The following ADHFE1 variants were observed in gnomAD, a reference collection of about 807,000 sequenced individuals.
ADHFE1 encodes alcohol dehydrogenase iron containing 1.
A neutral mutation model predicts 54.8 loss-of-function variants in ADHFE1; 37 were observed. The observed-to-expected ratio is 0.68, with a 90% CI of 0.52 to 0.89. The LOEUF is 0.89. Among genes scored for constraint, ADHFE1 ranks in the 40% least tolerant of loss-of-function variants. The pLI, the probability that ADHFE1 is intolerant of heterozygous loss-of-function variation, is 0.00. For synonymous variants in ADHFE1, 203 were observed against 229.3 expected (o/e 0.89, Z 1.04); for missense variants, 601 against 591.2 (o/e 1.02, Z -0.17).
intron 2 of ADHFE1, among the ~76,000 whole-genome samples, chr8:66,441,237 T>C (rs554435717): frequency 1.3e-5 from 2 of 152,340 alleles, no homozygotes; most frequent in Non-Finnish European, 2.9e-5. Context: ...AAATATTAGA[T>C]TTTTATATAC....
intron 10 of ADHFE1, among the ~76,000 whole-genome samples, chr8:66,456,080 A>G (rs1378973926): frequency 2.0e-5 from 3 of 152,180 alleles, no homozygotes; most frequent in Non-Finnish European, 4.4e-5. Flanking sequence ...TCGAGGCTGC[A>G]TTGAGCTATG....
intron 13 of ADHFE1, among the ~76,000 whole-genome samples, chr8:66,464,745 A>G (rs1032705669): frequency 1.3e-5 from 2 of 152,240 alleles, no homozygotes; most frequent in Non-Finnish European, 2.9e-5. Flanking sequence ...ACCATTTTTA[A>G]GTGTACAATG....
rs1227639239 is a variant in ADHFE1, at chr8:66,468,261, TG to T, written c.1321-7del. On this transcript the variant is annotated splice_region_variant and splice_polypyrimidine_tract_variant and intron_variant, in intron 13 of 13. Coordinates refer to ENST00000396623, the MANE Select transcript of ADHFE1 (RefSeq NM_144650.3). ...GCCCTGGGTAACTTCTTTCATTTAC[TG>T]TTTCAGGAAAGGGTCACCAAGCTTG... 6.2e-7 allele frequency: 1 copy of T among 1,607,656 alleles called. No homozygotes were observed. Among genetic ancestry groups the T allele is most frequent in the East Asian group, 2.2e-5 (1 of 44,770 alleles).
chr8:66,456,908 G>A lies in ADHFE1; in HGVS notation c.1065+13G>A. 1.3e-6 allele frequency: 2 copies of A among 1,490,908 alleles called. No individual in the cohort carries two copies. Among genetic ancestry groups the A allele is most frequent in the Non-Finnish European group, 1.8e-6 (2 of 1,117,134 alleles). 92.4% of individuals were successfully genotyped at this position (1,490,908 alleles called of 1,614,324 possible). On this transcript the variant is annotated intron_variant, in intron 11 of 13. Transcript: ENST00000396623. ...TCACCCACTGGTGGTAAAATCATAAGAATAAATTATTTAATTAAATATTAT... is the reference window on the plus strand; with the variant it reads ...TCACCCACTGGTGGTAAAATCATAAAAATAAATTATTTAATTAAATATTAT...
At chr8:66,467,156 G>A (rs996288263) in intron 13 of ADHFE1, among the ~76,000 whole-genome samples, 17 of 152,146 alleles carry the variant, frequency 1.1e-4, no homozygotes, top group African/African-American at 2.9e-4. Flanking sequence ...CCTGGATTCC[G>A]GTTGTGGTAC....
At chr8:66,443,130 C>T (rs1048381653) in intron 3 of ADHFE1, among the ~76,000 whole-genome samples, 1 of 152,014 alleles carries the variant, frequency 6.6e-6, no homozygotes, top group Non-Finnish European at 1.5e-5. Context: ...TGTGTTAAAT[C>T]TTTAGTTTTT....
At chr8:66,454,611 T>C (rs1028066431) in intron 10 of ADHFE1, among the ~76,000 whole-genome samples, 12 of 152,062 alleles carry the variant, frequency 7.9e-5, no homozygotes, top group African/African-American at 2.9e-4. Flanking sequence ...TTTTAGAACA[T>C]CTTATCACCC....
intron 2 of ADHFE1, among the ~76,000 whole-genome samples, chr8:66,441,762 C>T (rs78464979): frequency 5.5e-4 from 83 of 152,006 alleles, no homozygotes; most frequent in African/African-American, 1.9e-3. Flanking sequence ...TTTCGGAGGC[C>T]GGGGTGGGTG....
In ADHFE1 at chr8:66,452,073, C is replaced by T. The variant is rs1388987830; in HGVS notation, c.855C>T (p.His285=). 23 of 1,614,080 alleles carry T rather than the reference C, an allele frequency of 1.4e-5. No homozygotes were observed. The highest frequency in any genetic ancestry group is 3.3e-5 in the South Asian group (3 of 91,086). The part of the protein sequence containing the change: ...SNPISDIWAI[H]ALRIVAKYLK... ...CAATCAGTGACATTTGGGCTATCCACGCGCTGCGGATCGTGGCTAAGTATC... is the reference window on the plus strand; with the variant it reads ...CAATCAGTGACATTTGGGCTATCCATGCGCTGCGGATCGTGGCTAAGTATC... Residue 285 remains histidine, a synonymous_variant, in exon 9 of 14, where the codon CAC becomes CAT. Coordinates refer to ENST00000396623, the MANE Select transcript of ADHFE1 (RefSeq NM_144650.3).
At position 66,432,766 on chromosome 8, in the gene ADHFE1, C is replaced by T. The variant is rs889510463; in HGVS notation, c.59+191C>T. 4 of 1,230,292 alleles carry T rather than the reference C, an allele frequency of 3.3e-6. No homozygotes were observed. In the African/African-American group the frequency reaches 4.7e-5, roughly 14 times the overall value. The allele number at this position is 1,230,292 out of a possible 1,614,324, so 76.2% of individuals were successfully genotyped here. A position where few individuals can be genotyped will look rare whatever the true frequency, so the allele number is the denominator to read the frequency against. ...TCACAGAGTGCGCGATGCAGCCTCT[C>T]AGGGCGCAGTGAGGCAGCCTTTACT... is the stretch of plus-strand genomic sequence containing the variant. On this transcript the variant is annotated intron_variant, in intron 1 of 13. Coordinates refer to ENST00000396623, the MANE Select transcript of ADHFE1 (RefSeq NM_144650.3).
rs181152904 is a variant in ADHFE1, at chr8:66,466,827, G to A, written c.1321-1442G>A. Among the ~76,000 whole-genome samples the A allele has an allele frequency of 9.8e-4, 150 of 152,290 alleles. 3 individuals carry two copies. The highest frequency in any genetic ancestry group is 7.9e-3 in the East Asian group (41 of 5,168). ...ATAGGCCAATGCTTTCTAGGCAGAG[G>A]GGAAGGGCCCTGAGGCAGGGTCAAC... On this transcript the variant is annotated intron_variant, in intron 13 of 13. Coordinates refer to ENST00000396623, the MANE Select transcript of ADHFE1 (RefSeq NM_144650.3).
intron 1 of ADHFE1, among the ~76,000 whole-genome samples, chr8:66,435,914 C>CTTTT (rs35544367): frequency 2.0e-5 from 2 of 102,546 alleles, no homozygotes; most frequent in Admixed American, 1.1e-4. Context: ...TAGCAAGATT[C>CTTTT]TTTTTTTTTT....
chr8:66,445,450 G>A, intron 6 of ADHFE1, 36 bp downstream of exon 6: 1 of 1,557,302 alleles, frequency 6.4e-7, no homozygotes, highest in Non-Finnish European at 8.7e-7. Context: ...GTTTTATTTT[G>A]CAATGAGCAA....
rs1344111383 is a variant in ADHFE1 at position 66,437,239 on chromosome 8, T to C, written c.60-2923T>C. 2.6e-5 allele frequency among the ~76,000 whole-genome samples: 4 copies of C among 152,024 alleles called. No individual in the cohort carries two copies. In the East Asian group the frequency reaches 7.7e-4, roughly 29 times the overall value. ...AAAAATGCTGGTGGCTGATGGATAA[T>C]GTCTAATAGGGAGGGGGATTTTGAT... On this transcript the variant is annotated intron_variant, in intron 1 of 13. Coordinates refer to ENST00000396623, the MANE Select transcript of ADHFE1 (RefSeq NM_144650.3).
At position 66,439,589 on chromosome 8, in the gene ADHFE1, G is replaced by C; in HGVS notation, c.60-573G>C. 1 of 986,074 alleles carries C rather than the reference G, an allele frequency of 1.0e-6. No individual in the cohort carries two copies. The allele number at this position is 986,074 out of a possible 1,614,324, so 61.1% of individuals were successfully genotyped here. On this transcript the variant is annotated intron_variant, in intron 1 of 13. Coordinates refer to ENST00000396623, the MANE Select transcript of ADHFE1 (RefSeq NM_144650.3). This position sits in a 1 kb window ranked among gnomAD's most constrained non-coding sequence, Gnocchi z 4.4. Reference sequence around the variant, plus strand: ...GGGGAGCGGCGCGGCGGGGACGGAGGAGAGCTCGGAGCCCGGGGCTGCAAC... The same window carrying C: ...GGGGAGCGGCGCGGCGGGGACGGAGCAGAGCTCGGAGCCCGGGGCTGCAAC...
intron 10 of ADHFE1, among the ~76,000 whole-genome samples, chr8:66,454,529 A>T (rs1806470991): frequency 6.6e-6 from 1 of 152,144 alleles, no homozygotes; most frequent in African/African-American, 2.4e-5. Context: ...CACATACTAT[A>T]CAATTCACCC....
intron 13 of ADHFE1, among the ~76,000 whole-genome samples, chr8:66,463,323 T>C (rs1807001909): frequency 6.6e-6 from 1 of 152,194 alleles, no homozygotes; most frequent in African/African-American, 2.4e-5. Context: ...TTTACAAAAA[T>C]GGGAGGTAAA....
chr8:66,462,106 G>A (rs1175615795), intron 13 of ADHFE1, among the ~76,000 whole-genome samples: 2 of 152,204 alleles, frequency 1.3e-5, no homozygotes, highest in Admixed American at 6.5e-5. Context: ...CATGTTAAAC[G>A]AACACATACC....
chr8:66,433,378 G>A (rs1805301086), intron 1 of ADHFE1, among the ~76,000 whole-genome samples: 1 of 152,140 alleles, frequency 6.6e-6, no homozygotes, highest in African/African-American at 2.4e-5. Flanking sequence ...AGGTAAAGAT[G>A]GAGAAGACGG....
Sources: allele counts gnomAD v4.1 joint callset (sites outside exome capture counted in the v4.1 genomes callset), GRCh38; gene constraint gnomAD v4.1.1; non-coding constraint Gnocchi (gnomAD v3.1); transcripts MANE v1.5; gene names NCBI Gene and HGNC (gene_info 2026-07-23, HGNC 2026-07-21).